Variants in CDYL observed in about 807,000 individuals in gnomAD.
The protein encoded by CDYL is chromodomain Y like.
Under a neutral mutation model 47.3 loss-of-function variants are expected in CDYL, and 8 were observed. The observed-to-expected ratio is 0.17, with a 90% CI of 0.10 to 0.31. The LOEUF is 0.31. Ranked by LOEUF, CDYL falls within the 10% of genes least tolerant of loss-of-function variation. CDYL has a pLI of 1.00. For missense variants in CDYL, 471 were observed against 701.4 expected (o/e 0.67, Z 3.71); for synonymous variants, 266 against 265.0 (o/e 1.00, Z -0.04).
rs528780589 is a variant in CDYL at position 4,852,583 on chromosome 6, TCTTCCTTCCTC to T, written c.25-39108_25-39098del. On this transcript the variant is annotated intron_variant, in intron 1 of 6. Coordinates refer to ENST00000397588, the MANE Select transcript of CDYL (RefSeq NM_004824.4). ...TCCAATCTTCCTTCCTTCCTTCCAATCTTCCTTCCTCCTTCCTTCCTCCTTCCTTCCTTCCT... is the reference window on the plus strand; with the variant it reads ...TCCAATCTTCCTTCCTTCCTTCCAATCTTCCTTCCTCCTTCCTTCCTTCCT... 3.4e-3 allele frequency among the ~76,000 whole-genome samples: 428 copies of T among 126,022 alleles called. 18 individuals are homozygous for T. Among genetic ancestry groups the T allele is most frequent in the African/African-American group, 0.013 (370 of 27,674 alleles). The allele number at this position is 126,022 out of a possible 152,430, so 82.7% of individuals were successfully genotyped here.
At chr6:4,915,250 T>C (rs1291635641) in intron 2 of CDYL, among the ~76,000 whole-genome samples, 1 of 152,256 alleles carries the variant, frequency 6.6e-6, no homozygotes, top group Non-Finnish European at 1.5e-5. Flanking sequence ...ATATTTTTGA[T>C]ACAAGTTGTC....
At chr6:4,923,066 TTTC>T (rs1261575563) in intron 2 of CDYL, among the ~76,000 whole-genome samples, 2 of 152,252 alleles carry the variant, frequency 1.3e-5, no homozygotes, top group African/African-American at 4.8e-5. Context: ...ACATTTATCA[TTTC>T]TTTATTTTGG....
At chr6:4,839,322 A>G (rs114828732) in intron 1 of CDYL, among the ~76,000 whole-genome samples, 3,416 of 151,962 alleles carry the variant, frequency 0.022, 128 homozygotes, top group African/African-American at 0.078. Flanking sequence ...GATGTTAGTT[A>G]TTTGTCAGAT....
At chr6:4,899,091 AC>A (rs1756928796) in intron 2 of CDYL, among the ~76,000 whole-genome samples, 1 of 152,220 alleles carries the variant, frequency 6.6e-6, no homozygotes, top group Admixed American at 6.5e-5. Flanking sequence ...GGTTTTGACA[AC>A]AGTTTTTAGT....
At chr6:4,745,877 G>T (rs73717721) in intron 3 of CDYL, among the ~76,000 whole-genome samples, 9,318 of 152,226 alleles carry the variant, frequency 0.061, 991 homozygotes, top group African/African-American at 0.21. Context: ...GGAGGCAACA[G>T]TGCACAAGCC....
chr6:4,847,083 T>C (rs1760682403), intron 1 of CDYL, among the ~76,000 whole-genome samples: 1 of 152,232 alleles, frequency 6.6e-6, no homozygotes, highest in African/African-American at 2.4e-5. Context: ...GTCTATCTGC[T>C]GCTTAAAACC....
At chr6:4,722,550 C>T (rs1252770437) in intron 2 of CDYL, among the ~76,000 whole-genome samples, 1 of 152,188 alleles carries the variant, frequency 6.6e-6, no homozygotes, top group South Asian at 2.1e-4. Flanking sequence ...TAATCTAGAA[C>T]TGCTACAGTT....
intron 5 of CDYL, among the ~76,000 whole-genome samples, chr6:4,948,968 G>A (rs896133064): frequency 1.3e-5 from 2 of 152,252 alleles, no homozygotes; most frequent in Non-Finnish European, 1.5e-5. Context: ...GGCAAGACTG[G>A]ACAAGTGTGG....
At chr6:4,736,309 C>T (rs1757703271) in intron 3 of CDYL, among the ~76,000 whole-genome samples, 1 of 152,216 alleles carries the variant, frequency 6.6e-6, no homozygotes, top group Non-Finnish European at 1.5e-5. Flanking sequence ...CGTGTGCTTT[C>T]TACTAGAGAC....
chr6:4,788,480 C>CAAAAAA (rs1220969716), intron 1 of CDYL, among the ~76,000 whole-genome samples: 1,685 of 61,024 alleles, frequency 0.028, 76 homozygotes, highest in South Asian at 0.056. Context: ...GAGACTCTGT[C>CAAAAAA]AAAAAAAAAA....
Position 4,935,530 on chromosome 6 carries a change from T to G in CDYL, c.707T>G (p.Met236Arg). ...AVNGKGTSPFMDALTANGTTN... is the reference protein window; with the variant it reads ...AVNGKGTSPFRDALTANGTTN... ...CTCTCGGCAGGTACATCTCCGTTCATGGATGCATTAACAGCCAATGGGACA... is the reference window on the plus strand; with the variant it reads ...CTCTCGGCAGGTACATCTCCGTTCAGGGATGCATTAACAGCCAATGGGACA... The change falls in exon 3 of 7, where the codon ATG becomes AGG. Residue 236 changes from methionine (M) to arginine (R), a missense_variant. Met to Arg is a moderately conservative substitution (Grantham distance 91). This residue lies in a region of CDYL where 311 missense variants were observed against 350.0 expected (regional missense o/e 0.89). Transcript: ENST00000397588. 1 of 1,614,252 alleles carries G rather than the reference T, an allele frequency of 6.2e-7. No individual in the cohort carries two copies. Among genetic ancestry groups the G allele is most frequent in the Non-Finnish European group, 8.5e-7 (1 of 1,180,038 alleles).
intron 2 of CDYL, among the ~76,000 whole-genome samples, chr6:4,909,775 C>T (rs573120362): frequency 4.0e-5 from 6 of 151,826 alleles, no homozygotes; most frequent in East Asian, 3.9e-4. Flanking sequence ...GGGGTTTCAC[C>T]GTGTTAGCCA....
At chr6:4,926,067 A>C (rs1229758044) in intron 2 of CDYL, among the ~76,000 whole-genome samples, 1 of 152,240 alleles carries the variant, frequency 6.6e-6, no homozygotes, top group African/African-American at 2.4e-5. Flanking sequence ...CTAGAATTAG[A>C]CTAGCCTTTA....
chr6:4,912,130 C>G (rs1018875706), intron 2 of CDYL, among the ~76,000 whole-genome samples: 5 of 152,212 alleles, frequency 3.3e-5, no homozygotes, highest in Non-Finnish European at 7.3e-5. Flanking sequence ...AATGAAGGTA[C>G]ATGGCCATAA....
At position 4,792,080 on chromosome 6, in the gene CDYL, G is replaced by A. The variant is rs914349812; in HGVS notation, c.24+15273G>A. The stretch of plus-strand genomic sequence containing the variant: ...TTTTTTTTTTTGTATTTTTAGTACA[G>A]ACGGGGTTTCACCATGTTAGCCAGG... On this transcript the variant is annotated intron_variant, in intron 1 of 6. Transcript: ENST00000397588. Among the ~76,000 whole-genome samples the A allele has an allele frequency of 9.5e-5, 14 of 147,310 alleles. No individual in the cohort carries two copies. The South Asian group carries it at 2.8e-3, about 29-fold the overall frequency.
At chr6:4,827,935 G>T (rs1760024571) in intron 1 of CDYL, among the ~76,000 whole-genome samples, 1 of 152,184 alleles carries the variant, frequency 6.6e-6, no homozygotes, top group Non-Finnish European at 1.5e-5. Context: ...AATTACAGGC[G>T]GGAGCCATCG....
intron 2 of CDYL, among the ~76,000 whole-genome samples, chr6:4,894,564 T>C (rs1314827774): frequency 6.6e-6 from 1 of 152,202 alleles, no homozygotes; most frequent in East Asian, 1.9e-4. Context: ...CATCCATTAC[T>C]ATGAATGAAT....
chr6:4,912,200 T>C (rs773520316), intron 2 of CDYL, among the ~76,000 whole-genome samples: 2 of 151,298 alleles, frequency 1.3e-5, no homozygotes, highest in Non-Finnish European at 2.9e-5. Flanking sequence ...GTTGAAAAGA[T>C]ACGTGGTCCT....
At chr6:4,886,617 C>T (rs1014946298) in intron 1 of CDYL, among the ~76,000 whole-genome samples, 18 of 151,670 alleles carry the variant, frequency 1.2e-4, no homozygotes, top group African/African-American at 4.4e-4. Context: ...TGATATAAGT[C>T]CCTTATCAAA....
Sources: gnomAD v4.1 joint callset for allele counts (sites outside exome capture counted in the v4.1 genomes callset) on GRCh38, gnomAD v4.1.1 for gene constraint, gnomAD v4.1.1 regional missense constraint, MANE v1.5 for transcripts, NCBI Gene and HGNC (gene_info 2026-07-23, HGNC 2026-07-21) for gene names.